PTK2B: variants seen among roughly 807,000 people sequenced by gnomAD.
The protein encoded by PTK2B is protein-tyrosine kinase 2-beta.
PTK2B carries 71 observed loss-of-function variants against 142.9 expected under a neutral mutation model. The ratio of observed to expected loss-of-function variants is 0.50; its 90% CI spans 0.41 to 0.61. The LOEUF is 0.61. Among genes scored for constraint, PTK2B ranks in the 20% least tolerant of loss-of-function variants. PTK2B has a pLI of 0.00. For missense variants in PTK2B, 1,105 were observed against 1,320.4 expected (o/e 0.84, Z 2.53); for synonymous variants, 519 against 503.4 (o/e 1.03, Z -0.42).
intron 1 of PTK2B, among the ~76,000 whole-genome samples, chr8:27,387,367 T>C (rs1807429781): frequency 6.6e-6 from 1 of 152,232 alleles, no homozygotes; most frequent in African/African-American, 2.4e-5. Context: ...AGATTCAGCA[T>C]GTGATATGCA....
Position 27,458,377 on chromosome 8 carries a change from C to T in PTK2B, c.2898C>T (p.Thr966=), listed in dbSNP as rs912666594. ...KMRLAQQNAV[T]SLSEECKRQM... The stretch of plus-strand genomic sequence containing the variant: ...GGCTGGCACAGCAGAACGCCGTGAC[C>T]TCCCTAAGTGAGGAGTGCAAGAGGC... Residue 966 remains threonine, a synonymous_variant, in exon 31 of 31, where the codon ACC becomes ACT. Coordinates refer to ENST00000346049, the MANE Select transcript of PTK2B (RefSeq NM_173176.3). 33 of 1,613,656 alleles carry T rather than the reference C, an allele frequency of 2.0e-5. No homozygotes were observed. Among genetic ancestry groups the T allele is most frequent in the Non-Finnish European group, 2.8e-5 (33 of 1,179,878 alleles).
rs139140589 is a variant in PTK2B, at chr8:27,435,786, G to A, written c.1236G>A (p.Arg412=). ...YAEIPDETLR[R]PGGPQYGIAR... is the part of the protein sequence containing the mutation. ...AGATTCCCGACGAAACCCTGCGAAGGCCCGGAGGTAGGTTCTCGACCCCGC... is the reference window on the plus strand; with the variant it reads ...AGATTCCCGACGAAACCCTGCGAAGACCCGGAGGTAGGTTCTCGACCCCGC... Residue 412 remains arginine, a synonymous_variant, in exon 14 of 31, where the codon AGG becomes AGA. Transcript: ENST00000346049. 1.3e-5 allele frequency: 21 copies of A among 1,613,942 alleles called. No homozygotes were observed. Among genetic ancestry groups the A allele is most frequent in the Non-Finnish European group, 1.7e-5 (20 of 1,180,024 alleles).
At chr8:27,385,130 A>G (rs550233818) in intron 1 of PTK2B, among the ~76,000 whole-genome samples, 5 of 147,520 alleles carry the variant, frequency 3.4e-5, no homozygotes, top group African/African-American at 1.2e-4. Flanking sequence ...TCCATGGGAC[A>G]GGGGGTAATG....
intron 1 of PTK2B, among the ~76,000 whole-genome samples, chr8:27,350,957 C>T (rs1484746264): frequency 9.8e-6 from 1 of 102,290 alleles, no homozygotes; most frequent in Non-Finnish European, 1.9e-5. Flanking sequence ...GCCTGGGGGA[C>T]AGAGAAAGTC....
chr8:27,442,469 TAGG>T (rs1215658465), intron 21 of PTK2B, among the ~76,000 whole-genome samples: 1 of 147,784 alleles, frequency 6.8e-6, no homozygotes, highest in Admixed American at 6.6e-5. Context: ...TCATGAGAAA[TAGG>T]AGATGTAGAT....
At chr8:27,436,149 A>C in intron 14 of PTK2B, 102 bp from the exon 15 acceptor site, 1 of 1,106,254 alleles carries the variant, frequency 9.0e-7, no homozygotes, top group Non-Finnish European at 1.4e-6. Flanking sequence ...CTGAGGTGTT[A>C]TAGATCTGGT....
chr8:27,396,130 A>C (rs1308434468), intron 1 of PTK2B: 1 of 152,118 alleles, frequency 6.6e-6, no homozygotes, highest in African/African-American at 2.4e-5. Context: ...CCCTGACCTG[A>C]AGGACATGCC....
At chr8:27,368,293 T>C (rs1450567028) in intron 1 of PTK2B, among the ~76,000 whole-genome samples, 1 of 152,144 alleles carries the variant, frequency 6.6e-6, no homozygotes, top group Admixed American at 6.5e-5. Context: ...TTAGGCAGGC[T>C]CCTCTGAGCC....
At chr8:27,425,805 A>G (rs925113819) in intron 5 of PTK2B, among the ~76,000 whole-genome samples, 1 of 152,180 alleles carries the variant, frequency 6.6e-6, no homozygotes, top group African/African-American at 2.4e-5. Context: ...AACCCTGGCA[A>G]CCATTGATCA....
intron 1 of PTK2B, among the ~76,000 whole-genome samples, chr8:27,370,570 C>T (rs1806292128): frequency 1.3e-5 from 2 of 152,228 alleles, no homozygotes; most frequent in African/African-American, 4.8e-5. Flanking sequence ...TAAAATATGC[C>T]TAACTCCACT....
upstream of PTK2B, chr8:27,323,530 G>T (rs1374149681): frequency 6.6e-6 from 1 of 152,194 alleles, no homozygotes; most frequent in Non-Finnish European, 1.5e-5. Flanking sequence ...TCTAACTGGG[G>T]TAGATCATTA....
intron 2 of PTK2B, among the ~76,000 whole-genome samples, chr8:27,416,207 C>T (rs1270770519): frequency 6.6e-6 from 1 of 152,184 alleles, no homozygotes; most frequent in Admixed American, 6.5e-5. Context: ...TGTGGACATG[C>T]AAAGACCTAG....
intron 1 of PTK2B, among the ~76,000 whole-genome samples, chr8:27,334,936 C>G (rs1803969769): frequency 1.3e-5 from 2 of 152,208 alleles, no homozygotes; most frequent in African/African-American, 4.8e-5. Flanking sequence ...TCCTAACTCT[C>G]TCTAATCTCT....
chr8:27,364,082 A>C (rs148839993), intron 1 of PTK2B, among the ~76,000 whole-genome samples: 7 of 152,254 alleles, frequency 4.6e-5, no homozygotes, highest in African/African-American at 1.7e-4. Flanking sequence ...AAACAGCTGC[A>C]TCAGCGTCCC....
At chr8:27,429,798 T>C (rs1357241528) in intron 5 of PTK2B, among the ~76,000 whole-genome samples, 2 of 152,208 alleles carry the variant, frequency 1.3e-5, no homozygotes, top group East Asian at 3.9e-4. Flanking sequence ...CTTGGGCCTT[T>C]GTTCTTAGAG....
At chr8:27,360,850 C>A (rs1361115470) in intron 1 of PTK2B, among the ~76,000 whole-genome samples, 1 of 152,186 alleles carries the variant, frequency 6.6e-6, no homozygotes, top group Non-Finnish European at 1.5e-5. Context: ...CTTCTCCTTC[C>A]AGATGACAAC....
At chr8:27,375,005 T>C (rs1464474298) in intron 1 of PTK2B, among the ~76,000 whole-genome samples, 3 of 152,202 alleles carry the variant, frequency 2.0e-5, no homozygotes, top group African/African-American at 4.8e-5. Context: ...AGAAGGGACC[T>C]GAGTCCAAAG....
intron 1 of PTK2B, among the ~76,000 whole-genome samples, chr8:27,342,067 G>A (rs1029383265): frequency 1.3e-5 from 2 of 152,196 alleles, no homozygotes; most frequent in African/African-American, 4.8e-5. Flanking sequence ...AGGGTTGCAA[G>A]TGATGTGGAC....
intron 23 of PTK2B, 69 bp downstream of exon 23, chr8:27,444,340 G>C: frequency 6.5e-7 from 1 of 1,532,470 alleles, no homozygotes; most frequent in Non-Finnish European, 9.0e-7. Context: ...CTCCATTCTT[G>C]TGCCTTAGAG....
Sources: gnomAD v4.1 joint callset for allele counts (sites outside exome capture counted in the v4.1 genomes callset) on GRCh38, gnomAD v4.1.1 for gene constraint, MANE v1.5 for transcripts, NCBI Gene and HGNC (gene_info 2026-07-23, HGNC 2026-07-21) for gene names.